The following DTD1 variants were observed in gnomAD, a reference collection of about 807,000 sequenced individuals.
DTD1 encodes the protein D-aminoacyl-tRNA deacylase 1, also known as D-tyrosyl-tRNA deacylase 1 homolog.
DTD1 carries 13 observed loss-of-function variants against 25.6 expected under a neutral mutation model. The ratio of observed to expected loss-of-function variants is 0.51; its 90% CI spans 0.33 to 0.81. The LOEUF (loss-of-function observed/expected upper bound fraction) is 0.81. Among genes scored for constraint, DTD1 ranks in the 30% least tolerant of loss-of-function variants. DTD1 has a pLI of 0.02. For synonymous variants in DTD1, 110 were observed against 103.6 expected (o/e 1.06, Z -0.37); for missense variants, 193 against 266.4 (o/e 0.72, Z 1.92).
At chr20:18,597,982 A>G (rs2060618465) in intron 3 of DTD1, among the ~76,000 whole-genome samples, 1 of 112,724 alleles carries the variant, frequency 8.9e-6, no homozygotes, top group Non-Finnish European at 2.1e-5. Context: ...TTCTCCCAAC[A>G]TTTTGTCTTT....
At chr20:18,687,732 C>T (rs1024679176) in intron 4 of DTD1, among the ~76,000 whole-genome samples, 10 of 151,888 alleles carry the variant, frequency 6.6e-5, no homozygotes, top group Non-Finnish European at 1.2e-4. Context: ...TTTGGAGAGA[C>T]GGGGTCTCAC....
chr20:18,733,662 C>T (rs1285291344), intron 4 of DTD1, among the ~76,000 whole-genome samples: 9 of 152,196 alleles, frequency 5.9e-5, no homozygotes, highest in African/African-American at 2.2e-4. Flanking sequence ...ACTGAACTGT[C>T]CCTCTTCTTA....
At chr20:18,759,497 T>G (rs912097585) in intron 5 of DTD1, among the ~76,000 whole-genome samples, 1 of 152,184 alleles carries the variant, frequency 6.6e-6, no homozygotes, top group African/African-American at 2.4e-5. Context: ...CTTAGGAAGC[T>G]TAGTTTGGCT....
At chr20:18,626,219 G>A (rs763914154) in intron 3 of DTD1, among the ~76,000 whole-genome samples, 5 of 152,178 alleles carry the variant, frequency 3.3e-5, no homozygotes, top group African/African-American at 4.8e-5. Context: ...CAACTGTCCT[G>A]TTGCACCAGA....
At chr20:18,621,773 A>G (rs1222510443) in intron 3 of DTD1, among the ~76,000 whole-genome samples, 1 of 152,108 alleles carries the variant, frequency 6.6e-6, no homozygotes. Flanking sequence ...TTTTTTAAAA[A>G]AATTTTTTTG....
intron 4 of DTD1, among the ~76,000 whole-genome samples, chr20:18,693,746 C>T (rs1946296690): frequency 6.6e-6 from 1 of 152,000 alleles, no homozygotes; most frequent in Admixed American, 6.5e-5. Flanking sequence ...TAACCAAGCA[C>T]CTTGAAAGCA....
At chr20:18,632,108 C>T (rs1232062875) in intron 4 of DTD1, 9 of 950,418 alleles carry the variant, frequency 9.5e-6, no homozygotes, top group Non-Finnish European at 1.1e-5. Context: ...AATCACTTCA[C>T]TATGTGTATG....
chr20:18,684,535 C>T (rs1194740817), intron 4 of DTD1, among the ~76,000 whole-genome samples: 1 of 152,104 alleles, frequency 6.6e-6, no homozygotes, highest in South Asian at 2.1e-4. Flanking sequence ...TTTCCACCAG[C>T]GTAGGCCTCC....
chr20:18,590,077 C>A (rs1380051354), intron 1 of DTD1, among the ~76,000 whole-genome samples: 2 of 152,172 alleles, frequency 1.3e-5, no homozygotes, highest in Non-Finnish European at 2.9e-5. Flanking sequence ...ATGTTAACTT[C>A]CTGTTTTATG....
chr20:18,735,003 C>T (rs952874478), intron 4 of DTD1, among the ~76,000 whole-genome samples: 3 of 152,076 alleles, frequency 2.0e-5, no homozygotes, highest in African/African-American at 2.4e-5. Context: ...CAGGAGTGGG[C>T]GAGAATGCTG....
chr20:18,617,072 C>T (rs1045965406), intron 3 of DTD1, among the ~76,000 whole-genome samples: 3 of 152,168 alleles, frequency 2.0e-5, no homozygotes, highest in South Asian at 4.1e-4. Flanking sequence ...GCACTTCTGG[C>T]CATGAATTGC....
chr20:18,659,935 A>AAAG (rs2060903180), intron 4 of DTD1, among the ~76,000 whole-genome samples: 1 of 129,088 alleles, frequency 7.7e-6, no homozygotes, highest in East Asian at 2.1e-4. Flanking sequence ...AAGAAAGAAA[A>AAAG]AAAATATTTT....
chr20:18,680,582 C>T (rs1370758018), intron 4 of DTD1, among the ~76,000 whole-genome samples: 1 of 151,986 alleles, frequency 6.6e-6, no homozygotes, highest in Non-Finnish European at 1.5e-5. Flanking sequence ...TAGTATAGCT[C>T]CATGCCATGG....
At chr20:18,652,308 T>C (rs1198794976) in intron 4 of DTD1, among the ~76,000 whole-genome samples, 1 of 152,266 alleles carries the variant, frequency 6.6e-6, no homozygotes, top group Non-Finnish European at 1.5e-5. Context: ...AAATATTTTC[T>C]AAAGCAATAA....
At chr20:18,751,514 A>C (rs1275766249) in intron 5 of DTD1, among the ~76,000 whole-genome samples, 1 of 149,424 alleles carries the variant, frequency 6.7e-6, no homozygotes, top group East Asian at 2.0e-4. Flanking sequence ...TTTGAGGTGG[A>C]GTCTCATTCA....
chr20:18,744,836 A>G (rs2061294078), intron 5 of DTD1, among the ~76,000 whole-genome samples: 1 of 152,070 alleles, frequency 6.6e-6, no homozygotes, highest in East Asian at 1.9e-4. Flanking sequence ...TATGGGAGCT[A>G]CAATTCAAGA....
At chr20:18,639,870 A>G (rs1027384295) in intron 4 of DTD1, among the ~76,000 whole-genome samples, 2 of 152,088 alleles carry the variant, frequency 1.3e-5, no homozygotes, top group Non-Finnish European at 2.9e-5. Context: ...ATACTCACAT[A>G]ATATCCCCCG....
At chr20:18,681,452 T>C (rs1409757439) in intron 4 of DTD1, among the ~76,000 whole-genome samples, 4 of 152,200 alleles carry the variant, frequency 2.6e-5, no homozygotes, top group African/African-American at 4.8e-5. Context: ...GTTTATCCCA[T>C]TGGAAATTCT....
chr20:18,757,996 T>C (rs1039954107), intron 5 of DTD1, among the ~76,000 whole-genome samples: 2 of 152,148 alleles, frequency 1.3e-5, no homozygotes, highest in Non-Finnish European at 2.9e-5. Flanking sequence ...TGGTTTAGTC[T>C]TGGGAGGGTG....
Sources: gnomAD v4.1 joint callset for allele counts (sites outside exome capture counted in the v4.1 genomes callset) on GRCh38, gnomAD v4.1.1 for gene constraint, MANE v1.5 for transcripts, NCBI Gene and HGNC (gene_info 2026-07-23, HGNC 2026-07-21) for gene names.